Variants in PLIN3 observed in about 807,000 individuals in gnomAD.
PLIN3 encodes the protein perilipin-3.
PLIN3 carries 30 observed loss-of-function variants against 35.9 expected under a neutral mutation model. The observed-to-expected ratio is 0.84, with a 90% CI of 0.62 to 1.13. The LOEUF (loss-of-function observed/expected upper bound fraction) is 1.13, where lower values mean the gene tolerates loss of function less well. Among genes scored for constraint, PLIN3 ranks in the 50% most tolerant of loss-of-function variants. The pLI is 0.00. For missense variants in PLIN3, 603 were observed against 596.9 expected, an observed-to-expected ratio of 1.01 and a Z score of -0.11; for synonymous variants, 261 against 262.5, an observed-to-expected ratio of 0.99 and a Z score of 0.06.
chr19:4,859,646 T>C lies in PLIN3; in HGVS notation c.292A>G (p.Arg98Gly). 1.2e-6 allele frequency: 2 copies of C among 1,614,202 alleles called. No homozygotes were observed. The highest frequency in any genetic ancestry group is 1.7e-6 in the Non-Finnish European group (2 of 1,180,030). ...TTCTCCTCCAACTTGTCCAGCCCCC[T>C]GTGGGCGTATTCGCTGGCTGATGCA... ...QIASASEYAH[R>G]GLDKLEENLP... is the part of the protein sequence containing the mutation. Residue 98 changes from arginine to glycine, a missense_variant, in exon 4 of 8, where the codon AGG (arginine) becomes GGG (glycine). Physicochemically the swap from Arg to Gly is moderately radical, Grantham distance 125. Transcript: ENST00000221957.
chr19:4,857,869 G>A (rs565709882), intron 4 of PLIN3, among the ~76,000 whole-genome samples: 12 of 152,002 alleles, frequency 7.9e-5, no homozygotes, highest in South Asian at 4.2e-4. Flanking sequence ...CCAGCCACTC[G>A]GGAGGCTGAG....
chr19:4,841,396 A>G (rs1216356335), intron 7 of PLIN3, among the ~76,000 whole-genome samples: 2 of 152,058 alleles, frequency 1.3e-5, no homozygotes, highest in African/African-American at 4.8e-5. Context: ...ATTTCTATGA[A>G]ATGTCCAGGA....
chr19:4,844,885 C>G, intron 6 of PLIN3, 92 bp from the exon 7 acceptor site: 1 of 1,388,096 alleles, frequency 7.2e-7, no homozygotes, highest in Non-Finnish European at 9.6e-7. Context: ...CAGCATCTGA[C>G]TTACATGACA....
At chr19:4,865,257 G>A (rs2030809849) in intron 1 of PLIN3, among the ~76,000 whole-genome samples, 1 of 152,068 alleles carries the variant, frequency 6.6e-6, no homozygotes, top group South Asian at 2.1e-4. Flanking sequence ...GGGAGGCTGA[G>A]GCGGGCAGAT....
chr19:4,860,100 C>A (rs773255575), intron 2 of PLIN3, 76 bp from the exon 3 acceptor site: 70 of 1,313,312 alleles, frequency 5.3e-5, no homozygotes, highest in Non-Finnish European at 6.2e-5. Context: ...GGGTGCCCTG[C>A]AGTTTTGCTC....
intron 4 of PLIN3, among the ~76,000 whole-genome samples, chr19:4,854,413 G>A (rs1055186753): frequency 3.6e-5 from 5 of 139,840 alleles, no homozygotes; most frequent in Non-Finnish European, 7.8e-5. Flanking sequence ...TTTTGTTTTT[G>A]TTTTTTTTTA....
Position 4,842,574 on chromosome 19 carries a change from AG to A in PLIN3, c.960+2093del, listed in dbSNP as rs545933256. Among the ~76,000 whole-genome samples, 236 of 125,270 alleles carry A rather than the reference AG, an allele frequency of 1.9e-3. 1 individual carries two copies. The highest frequency in any genetic ancestry group is 7.1e-3 in the African/African-American group (231 of 32,366). 82.2% of individuals were successfully genotyped at this position (125,270 alleles called of 152,430 possible). On this transcript the variant is annotated intron_variant, in intron 7 of 7. Coordinates refer to ENST00000221957, the MANE Select transcript of PLIN3 (RefSeq NM_005817.5). ...GAGATCATGACATTGCACTCCAGCC[AG>A]GGTGACAGAGTGAGACTCTATCTCA... is the stretch of plus-strand genomic sequence containing the variant.
rs181239407 is a variant in PLIN3 at position 4,838,954 on chromosome 19, A to G, written c.*238T>C. 153 of 381,738 alleles carry G rather than the reference A, an allele frequency of 4.0e-4. No homozygotes were observed. Among genetic ancestry groups the G allele is most frequent in the Admixed American group, 9.3e-4 (22 of 23,666 alleles). The allele number at this position is 381,738 out of a possible 1,614,324, so 23.6% of individuals were successfully genotyped here. A position where few individuals can be genotyped will look rare whatever the true frequency, so the allele number is the denominator to read the frequency against. On this transcript the variant is annotated 3_prime_UTR_variant, in exon 8 of 8. Transcript: ENST00000221957. ...TTCCTGAAAGATATTTTTTCTGGACATCTCTCTCTACTGACTGATAGGGTG... is the reference window on the plus strand; with the variant it reads ...TTCCTGAAAGATATTTTTTCTGGACGTCTCTCTCTACTGACTGATAGGGTG...
chr19:4,848,401 C>T (rs931870143), intron 5 of PLIN3, among the ~76,000 whole-genome samples: 1 of 152,202 alleles, frequency 6.6e-6, no homozygotes, highest in Non-Finnish European at 1.5e-5. Flanking sequence ...TTAAACCTCA[C>T]AGGAATCAGA....
In PLIN3 at chr19:4,861,185, C is replaced by A. The variant is rs2030662477; in HGVS notation, c.66+144G>T. ...CAACTGGGGACACCAGTGAGTGGTCCATACCCCACTGAGGAATAAATCCCT... is the reference window on the plus strand; with the variant it reads ...CAACTGGGGACACCAGTGAGTGGTCAATACCCCACTGAGGAATAAATCCCT... On this transcript the variant is annotated intron_variant, in intron 2 of 7. Coordinates refer to ENST00000221957, the MANE Select transcript of PLIN3 (RefSeq NM_005817.5). 9 of 716,858 alleles carry A rather than the reference C, an allele frequency of 1.3e-5. No homozygotes were observed. The South Asian group carries it at 1.3e-4, about 10-fold the overall frequency. 44.4% of individuals were successfully genotyped at this position (716,858 alleles called of 1,614,324 possible).
At chr19:4,866,627 A>T (rs896587044) in intron 1 of PLIN3, 4 of 152,170 alleles carry the variant, frequency 2.6e-5, no homozygotes, top group African/African-American at 9.7e-5. Context: ...GAGAAGACAT[A>T]CCTACCTCCC....
At chr19:4,857,693 A>G (rs1323778852) in intron 4 of PLIN3, among the ~76,000 whole-genome samples, 1 of 152,084 alleles carries the variant, frequency 6.6e-6, no homozygotes, top group African/African-American at 2.4e-5. Context: ...AGTGGGACCC[A>G]GGCTGGGCCT....
In PLIN3 at chr19:4,849,698, G is replaced by A. The variant is rs1328337951; in HGVS notation, c.635-1808C>T. Among the ~76,000 whole-genome samples, 3 of 152,092 alleles carry A rather than the reference G, an allele frequency of 2.0e-5. No individual in the cohort carries two copies. The East Asian group carries it at 5.8e-4, about 29-fold the overall frequency. On this transcript the variant is annotated intron_variant, in intron 5 of 7. Transcript: ENST00000221957. ...GACAGAGTCTCACTCTGTTGCCCAG[G>A]CTGGAGTGCAATGGCATGATCTCGG...
rs772391281 is a variant in PLIN3 at position 4,839,325 on chromosome 19, C to G, written c.1172G>C (p.Arg391Pro). 6 of 1,613,988 alleles carry G rather than the reference C, an allele frequency of 3.7e-6. 1 individual carries two copies. In the East Asian group the frequency reaches 1.3e-4, roughly 36 times the overall value. ...CTCGCGGGCGCTGGCGACACGCTCA[C>G]GGCTCTGGGCCAGAATGCTGCTGGA... ...DLSSSILAQS[R>P]ERVASAREAL... The change falls in exon 8 of 8, where the codon CGT (arginine) becomes CCT (proline). Residue 391 changes from arginine (R) to proline (P), a missense_variant. Physicochemically the swap from Arg to Pro is moderately radical, Grantham distance 103. Transcript: ENST00000221957.
chr19:4,859,958 C>T lies in PLIN3; in HGVS notation c.133G>A (p.Ala45Thr). 1 of 1,614,080 alleles carries T rather than the reference C, an allele frequency of 6.2e-7. No homozygotes were observed. Among genetic ancestry groups the T allele is most frequent in the Non-Finnish European group, 8.5e-7 (1 of 1,180,006 alleles). The change falls in exon 3 of 8, where the codon GCC becomes ACC. Residue 45 changes from alanine (A) to threonine (T), a missense_variant. By Grantham distance (58) the Ala-to-Thr change is moderately conservative. Transcript: ENST00000221957. ...ISSTCDMVSA[A>T]YASTKESYPH... is the part of the protein sequence containing the mutation. ...TAGCTCTCCTTGGTGGAGGCATAGGCTGCGGACACCATGTCGCAGGTGGAG... is the reference window on the plus strand; with the variant it reads ...TAGCTCTCCTTGGTGGAGGCATAGGTTGCGGACACCATGTCGCAGGTGGAG...
chr19:4,839,054 C>G lies in PLIN3; in HGVS notation c.*138G>C. 1 of 664,810 alleles carries G rather than the reference C, an allele frequency of 1.5e-6. No homozygotes were observed. Among genetic ancestry groups the G allele is most frequent in the Non-Finnish European group, 2.5e-6 (1 of 404,148 alleles). 41.2% of individuals were successfully genotyped at this position (664,810 alleles called of 1,614,324 possible). Reference sequence around the variant, plus strand: ...AACTGGGTGATGCCCGTTTTGAGAGCCTTAGCTTCCCAAGTGGACAGCACA... The same window carrying G: ...AACTGGGTGATGCCCGTTTTGAGAGGCTTAGCTTCCCAAGTGGACAGCACA... On this transcript the variant is annotated 3_prime_UTR_variant, in exon 8 of 8. Coordinates refer to ENST00000221957, the MANE Select transcript of PLIN3 (RefSeq NM_005817.5).
chr19:4,858,956 C>T (rs1270664684), intron 4 of PLIN3, among the ~76,000 whole-genome samples: 3 of 151,820 alleles, frequency 2.0e-5, no homozygotes, highest in African/African-American at 7.3e-5. Flanking sequence ...CCCGCCTTGG[C>T]CTCCCAAAGT....
At chr19:4,865,916 G>A (rs2030837627) in intron 1 of PLIN3, among the ~76,000 whole-genome samples, 1 of 151,218 alleles carries the variant, frequency 6.6e-6, no homozygotes, top group Non-Finnish European at 1.5e-5. Context: ...GTAGAGATGG[G>A]ATTTCACCAT....
At chr19:4,853,705 C>T (rs1050238924) in intron 4 of PLIN3, among the ~76,000 whole-genome samples, 2 of 151,816 alleles carry the variant, frequency 1.3e-5, no homozygotes, top group South Asian at 2.1e-4. Context: ...CCTTACTACT[C>T]AAGAGGCTGA....
Sources: gnomAD v4.1 joint callset for allele counts (sites outside exome capture counted in the v4.1 genomes callset) on GRCh38, gnomAD v4.1.1 for gene constraint, MANE v1.5 for transcripts, NCBI Gene and HGNC (gene_info 2026-07-23, HGNC 2026-07-21) for gene names.